RPA3: variants seen among roughly 807,000 people sequenced by gnomAD.
The protein encoded by RPA3 is replication protein A3.
In RPA3, 24 loss-of-function variants were observed where a neutral mutation model predicts 13.7. That is an observed-to-expected ratio of 1.75 (90% CI 1.27 to 2.46). RPA3 has a LOEUF of 2.46. Among genes scored for constraint, RPA3 ranks in the 30% most tolerant of loss-of-function variants. The pLI is 0.00. For missense variants in RPA3, 183 were observed against 151.0 expected, an observed-to-expected ratio of 1.21 and a Z score of -1.11; for synonymous variants, 59 against 51.2, an observed-to-expected ratio of 1.15 and a Z score of -0.65.
intron 4 of RPA3, among the ~76,000 whole-genome samples, chr7:7,646,992 T>G (rs1012414729): frequency 6.6e-6 from 1 of 152,184 alleles, no homozygotes; most frequent in African/African-American, 2.4e-5. Flanking sequence ...GACCCCACCC[T>G]TCTGCCGCTT....
chr7:7,655,082 G>A (rs1035788384), intron 4 of RPA3, among the ~76,000 whole-genome samples: 1 of 152,072 alleles, frequency 6.6e-6, no homozygotes, highest in Admixed American at 6.5e-5. Flanking sequence ...TACTGTTATA[G>A]TAACAGCAAT....
At chr7:7,669,880 T>C (rs1399470048) in intron 4 of RPA3, among the ~76,000 whole-genome samples, 1 of 152,194 alleles carries the variant, frequency 6.6e-6, no homozygotes, top group African/African-American at 2.4e-5. Flanking sequence ...CCTGTTTTTT[T>C]CCATGCCTAC....
chr7:7,678,003 G>A (rs944422262), intron 4 of RPA3, among the ~76,000 whole-genome samples: 21 of 152,270 alleles, frequency 1.4e-4, no homozygotes, highest in Non-Finnish European at 1.8e-4. Context: ...GAGACACTTA[G>A]GTTGATTCTA....
chr7:7,692,206 C>CTGGTGG (rs1417953881), intron 2 of RPA3: 1 of 152,202 alleles, frequency 6.6e-6, no homozygotes, highest in African/African-American at 2.4e-5. Context: ...AGAGAAGGGA[C>CTGGTGG]TGGTGGTGGT....
At chr7:7,638,092 T>C in intron 6 of RPA3, 120 bp from the exon 7 acceptor site, 3 of 612,244 alleles carry the variant, frequency 4.9e-6, no homozygotes, top group Non-Finnish European at 8.3e-6. Flanking sequence ...ATTTTAAGAA[T>C]TACCAGTGTA....
chr7:7,688,111 A>G (rs1049374502), intron 2 of RPA3, among the ~76,000 whole-genome samples: 2 of 152,214 alleles, frequency 1.3e-5, no homozygotes, highest in African/African-American at 4.8e-5. Context: ...AACTTCTGAC[A>G]CTACATGTAA....
At chr7:7,643,954 C>G (rs1785036925) in intron 4 of RPA3, among the ~76,000 whole-genome samples, 1 of 152,112 alleles carries the variant, frequency 6.6e-6, no homozygotes, top group South Asian at 2.1e-4. Flanking sequence ...ACTGAAGTTG[C>G]TACTGACCCG....
At chr7:7,696,318 C>T (rs960548441) in intron 2 of RPA3, among the ~76,000 whole-genome samples, 1 of 150,556 alleles carries the variant, frequency 6.6e-6, no homozygotes, top group Non-Finnish European at 1.5e-5. Context: ...AAAAACACCC[C>T]AAAACAAATG....
intron 4 of RPA3, among the ~76,000 whole-genome samples, chr7:7,664,994 GA>G (rs943364571): frequency 7.1e-6 from 1 of 140,868 alleles, no homozygotes; most frequent in East Asian, 2.0e-4. Flanking sequence ...GTGTGTGGGT[GA>G]TATATAGATA....
chr7:7,683,003 T>C (rs1419843074), intron 4 of RPA3, among the ~76,000 whole-genome samples: 2 of 152,186 alleles, frequency 1.3e-5, no homozygotes, highest in African/African-American at 4.8e-5. Flanking sequence ...GGTGAAAAAG[T>C]TAGGTTAGGC....
intron 2 of RPA3, among the ~76,000 whole-genome samples, chr7:7,701,500 G>A (rs1422764428): frequency 6.6e-6 from 1 of 152,148 alleles, no homozygotes; most frequent in Non-Finnish European, 1.5e-5. Context: ...ACTCTTACAT[G>A]CTTGTAAATC....
At chr7:7,649,786 G>C (rs1785184228) in intron 4 of RPA3, among the ~76,000 whole-genome samples, 1 of 152,104 alleles carries the variant, frequency 6.6e-6, no homozygotes. Flanking sequence ...AACCCCTAAG[G>C]TGATGGCATA....
chr7:7,638,783 G>A (rs1784904871), intron 6 of RPA3: 1 of 267,248 alleles, frequency 3.7e-6, no homozygotes, highest in Non-Finnish European at 7.0e-6. Context: ...AAAAAGCAAC[G>A]TAAATTTTTC....
chr7:7,643,333 C>T (rs891913530), intron 4 of RPA3, among the ~76,000 whole-genome samples: 29 of 152,222 alleles, frequency 1.9e-4, no homozygotes, highest in African/African-American at 7.0e-4. Flanking sequence ...CCTAAAAACA[C>T]TTCCCAAGGC....
intron 2 of RPA3, among the ~76,000 whole-genome samples, chr7:7,698,480 A>G (rs1185601826): frequency 2.6e-5 from 4 of 152,218 alleles, no homozygotes; most frequent in African/African-American, 4.8e-5. Flanking sequence ...CTAGAACCAG[A>G]TCCACCTGAT....
chr7:7,717,249 G>A (rs1265048641), intron 1 of RPA3, among the ~76,000 whole-genome samples: 2 of 151,884 alleles, frequency 1.3e-5, no homozygotes, highest in African/African-American at 4.8e-5. Context: ...TAGAGACTGG[G>A]TTTCACCACG....
chr7:7,707,438 T>A (rs575458419), intron 2 of RPA3, among the ~76,000 whole-genome samples: 3 of 152,198 alleles, frequency 2.0e-5, no homozygotes, highest in Non-Finnish European at 4.4e-5. Context: ...TTACCTTGGG[T>A]AAATCATTTA....
chr7:7,701,288 G>T (rs1780457736), intron 2 of RPA3, among the ~76,000 whole-genome samples: 1 of 152,162 alleles, frequency 6.6e-6, no homozygotes, highest in Non-Finnish European at 1.5e-5. Context: ...TTGTGGCTGA[G>T]AAAGTTAAAA....
chr7:7,693,519 T>G (rs1011280748), intron 2 of RPA3, among the ~76,000 whole-genome samples: 3 of 152,158 alleles, frequency 2.0e-5, no homozygotes, highest in Non-Finnish European at 4.4e-5. Flanking sequence ...ATGTCGATAG[T>G]TCTTTTATTC....
Sources: allele counts gnomAD v4.1 joint callset (sites outside exome capture counted in the v4.1 genomes callset), GRCh38; gene constraint gnomAD v4.1.1; transcripts MANE v1.5; gene names NCBI Gene and HGNC (gene_info 2026-07-23, HGNC 2026-07-21).